DPYSL2: variants seen among roughly 807,000 people sequenced by gnomAD.
DPYSL2 encodes dihydropyrimidinase like 2.
A neutral mutation model predicts 69.9 loss-of-function variants in DPYSL2; 13 were observed. The ratio of observed to expected loss-of-function variants is 0.19; its 90% CI spans 0.12 to 0.30. The LOEUF is 0.30. Among genes scored for constraint, DPYSL2 ranks in the 10% least tolerant of loss-of-function variants. The pLI, the probability that DPYSL2 is intolerant of heterozygous loss-of-function variation, is 1.00. For missense variants in DPYSL2, 587 were observed against 918.9 expected (o/e 0.64, Z 4.67); for synonymous variants, 326 against 359.1 (o/e 0.91, Z 1.04).
chr8:26,545,041 T>G (rs1800743354), intron 1 of DPYSL2, among the ~76,000 whole-genome samples: 1 of 152,200 alleles, frequency 6.6e-6, no homozygotes, highest in African/African-American at 2.4e-5. Flanking sequence ...AGGACAGGAA[T>G]TGACAGCAAT....
intron 4 of DPYSL2, among the ~76,000 whole-genome samples, chr8:26,625,176 CTG>C (rs1802587186): frequency 6.6e-6 from 1 of 152,192 alleles, no homozygotes; most frequent in Non-Finnish European, 1.5e-5. Context: ...CACAGACTAA[CTG>C]TGTGACCCTG....
chr8:26,584,427 A>C (rs1801552407), intron 3 of DPYSL2, among the ~76,000 whole-genome samples: 1 of 152,160 alleles, frequency 6.6e-6, no homozygotes. Flanking sequence ...GAAATGCTGA[A>C]GCAGGAACTC....
intron 1 of DPYSL2, among the ~76,000 whole-genome samples, chr8:26,521,308 C>A (rs1470042979): frequency 6.6e-6 from 1 of 150,384 alleles, no homozygotes; most frequent in African/African-American, 2.4e-5. Flanking sequence ...CTGCAGAAAG[C>A]ACTGAGTGAA....
At position 26,516,126 on chromosome 8, in the gene DPYSL2, T is replaced by G. The variant is rs971669513; in HGVS notation, c.354+1447T>G. 2.6e-5 allele frequency among the ~76,000 whole-genome samples: 4 copies of G among 152,210 alleles called. No individual in the cohort carries two copies. Among genetic ancestry groups the G allele is most frequent in the African/African-American group, 4.8e-5 (2 of 41,446 alleles). On this transcript the variant is annotated intron_variant, in intron 1 of 13. Coordinates refer to ENST00000521913, the MANE Select transcript of DPYSL2 (RefSeq NM_001197293.3). This position sits in a 1 kb window ranked among gnomAD's most constrained non-coding sequence, Gnocchi z 4.8. ...GTAAAAGGTGACACAACTAATAATT[T>G]ATATCCAACCCCAGCCCTGCCCTCT...
chr8:26,578,280 T>C (rs1801406239), intron 1 of DPYSL2: 1 of 1,614,072 alleles, frequency 6.2e-7, no homozygotes, highest in Non-Finnish European at 8.5e-7. Context: ...AAGAAAAATA[T>C]TCCACGCATC....
rs535846476 is a variant in DPYSL2 at position 26,578,579 on chromosome 8, C to T, written c.355-3390C>T. On this transcript the variant is annotated intron_variant, in intron 1 of 13. Transcript: ENST00000521913. The stretch of plus-strand genomic sequence containing the variant: ...TATCTTTTATTGTCAGTGAGAGATG[C>T]TGCAGCGTCGGCCCGCGGGGTGCAA... 3.6e-5 allele frequency: 48 copies of T among 1,336,948 alleles called. No individual in the cohort carries two copies. In the South Asian group the frequency reaches 8.1e-4, roughly 22 times the overall value. The allele number at this position is 1,336,948 out of a possible 1,614,324, so 82.8% of individuals were successfully genotyped here. A position where few individuals can be genotyped will look rare whatever the true frequency, so the allele number is the denominator to read the frequency against.
intron 1 of DPYSL2, among the ~76,000 whole-genome samples, chr8:26,567,258 C>T (rs1801166374): frequency 7.2e-6 from 1 of 139,072 alleles, no homozygotes; most frequent in Non-Finnish European, 1.6e-5. Context: ...ATCCATCCAC[C>T]ACCCATTCAT....
rs403185 is a variant in DPYSL2, at chr8:26,619,205, A to G, written c.629-4938A>G. On this transcript the variant is annotated intron_variant, in intron 3 of 13. Coordinates refer to ENST00000521913, the MANE Select transcript of DPYSL2 (RefSeq NM_001197293.3). The surrounding 1 kb of genome is among the most constrained non-coding windows in gnomAD (Gnocchi z 4.8). ...TTTCAGGCTTGTGTCCTCAGTGGGG[A>G]CTCTACTCCCTCCGGAAGTGAGTAT... is the stretch of plus-strand genomic sequence containing the variant. Among the ~76,000 whole-genome samples, 80,519 of 151,788 alleles carry G rather than the reference A, an allele frequency of 0.53. 22,455 individuals carry two copies. The highest frequency in any genetic ancestry group is 0.65 in the East Asian group (3,349 of 5,140).
At chr8:26,515,399 G>A (rs1808263813) in intron 1 of DPYSL2, among the ~76,000 whole-genome samples, 1 of 152,196 alleles carries the variant, frequency 6.6e-6, no homozygotes, top group South Asian at 2.1e-4. Context: ...CCGCTATGTG[G>A]GAGGCGCTTT....
rs189079170 is a variant in DPYSL2 at position 26,583,300 on chromosome 8, A to G, written c.444-499A>G. ...GAATAACTAAACACACGCTTCCAAA[A>G]TTTTAAATCATTGCAATCATAGTGT... On this transcript the variant is annotated intron_variant, in intron 2 of 13. Coordinates refer to ENST00000521913, the MANE Select transcript of DPYSL2 (RefSeq NM_001197293.3). 3.3e-5 allele frequency among the ~76,000 whole-genome samples: 5 copies of G among 149,724 alleles called. No homozygotes were observed. The South Asian group carries it at 8.5e-4, about 25-fold the overall frequency.
At chr8:26,594,641 TTAATCTATCATCTTTC>T (rs1053054925) in intron 3 of DPYSL2, among the ~76,000 whole-genome samples, 12 of 152,216 alleles carry the variant, frequency 7.9e-5, no homozygotes, top group African/African-American at 2.7e-4. Flanking sequence ...TAATCTATCA[TTAATCTATCATCTTTC>T]TAATCTATCT....
Position 26,517,299 on chromosome 8 carries a change from T to G in DPYSL2, c.354+2620T>G, listed in dbSNP as rs866077517. On this transcript the variant is annotated intron_variant, in intron 1 of 13. Transcript: ENST00000521913. This position sits in a 1 kb window ranked among gnomAD's most constrained non-coding sequence, Gnocchi z 4.2. ...ATGAGAGATGTTGGACATGTGCATTTGCAGGAACTAAATGAAATTATATTC... is the reference window on the plus strand; with the variant it reads ...ATGAGAGATGTTGGACATGTGCATTGGCAGGAACTAAATGAAATTATATTC... Among the ~76,000 whole-genome samples, 7 of 152,296 alleles carry G rather than the reference T, an allele frequency of 4.6e-5. No individual in the cohort carries two copies. The highest frequency in any genetic ancestry group is 3.4e-3 in the Middle Eastern group (1 of 294).
chr8:26,515,415 G>T (rs975349149), intron 1 of DPYSL2, among the ~76,000 whole-genome samples: 22 of 152,236 alleles, frequency 1.4e-4, no homozygotes, highest in Non-Finnish European at 2.4e-4. Flanking sequence ...GCTTTAGGAA[G>T]CGGGGAACTA....
At chr8:26,581,425 G>A (rs905254208) in intron 1 of DPYSL2, among the ~76,000 whole-genome samples, 4 of 151,562 alleles carry the variant, frequency 2.6e-5, no homozygotes, top group Non-Finnish European at 5.9e-5. Context: ...CCAGGCTGGG[G>A]TGCAGTGACG....
chr8:26,651,705 A>G (rs1027793766), intron 11 of DPYSL2, among the ~76,000 whole-genome samples: 1 of 152,240 alleles, frequency 6.6e-6, no homozygotes, highest in Non-Finnish European at 1.5e-5. Flanking sequence ...ATAGCTACAT[A>G]GCTACATTGT....
chr8:26,539,426 G>A (rs756059172), intron 1 of DPYSL2, among the ~76,000 whole-genome samples: 30 of 152,178 alleles, frequency 2.0e-4, no homozygotes, highest in Non-Finnish European at 3.4e-4. Context: ...CATACGTTGT[G>A]CACTTTTAAA....
At chr8:26,535,170 G>A (rs1184507403) in intron 1 of DPYSL2, among the ~76,000 whole-genome samples, 2 of 152,170 alleles carry the variant, frequency 1.3e-5, no homozygotes, top group Non-Finnish European at 2.9e-5. Context: ...CCACATTGCA[G>A]ACTTTGTACT....
intron 1 of DPYSL2, among the ~76,000 whole-genome samples, chr8:26,522,208 T>C (rs999042399): frequency 6.6e-6 from 1 of 152,178 alleles, no homozygotes; most frequent in African/African-American, 2.4e-5. Flanking sequence ...TTCAGGAGGC[T>C]GAGGCATGAG....
At chr8:26,616,632 G>A (rs755535816) in intron 3 of DPYSL2, among the ~76,000 whole-genome samples, 3 of 152,232 alleles carry the variant, frequency 2.0e-5, no homozygotes, top group Non-Finnish European at 4.4e-5. Flanking sequence ...AGGGGAAGGT[G>A]TGTGCACTGA....
Sources: allele counts gnomAD v4.1 joint callset (sites outside exome capture counted in the v4.1 genomes callset), GRCh38; gene constraint gnomAD v4.1.1; non-coding constraint Gnocchi (gnomAD v3.1); transcripts MANE v1.5; gene names NCBI Gene and HGNC (gene_info 2026-07-23, HGNC 2026-07-21).